The following NREP variants were observed in gnomAD, a reference collection of about 807,000 sequenced individuals.
NREP encodes neuronal regeneration-related protein.
In NREP, 5 loss-of-function variants were observed where a neutral mutation model predicts 8.6. That is an observed-to-expected ratio of 0.58 (90% confidence interval 0.30 to 1.22). The LOEUF is 1.22. Ranked by LOEUF, NREP falls within the 50% of genes most tolerant of loss-of-function variation. The probability of loss-of-function intolerance (pLI) is 0.07; values close to 1 mark genes in which losing one functional copy is unlikely to be tolerated. For missense variants in NREP, 86 were observed against 82.5 expected (o/e 1.04, Z -0.17); for synonymous variants, 27 against 28.0 (o/e 0.96, Z 0.11).
chr5:111,755,860 C>A (rs975332121), intron 1 of NREP, 30 bp from the exon 2 acceptor site: 1 of 1,611,564 alleles, frequency 6.2e-7, no homozygotes, highest in Non-Finnish European at 8.5e-7. Flanking sequence ...ACAGTAGACA[C>A]ATCGCCTCAC....
intron 2 of NREP, among the ~76,000 whole-genome samples, chr5:111,887,532 T>C (rs545241255): frequency 2.0e-5 from 3 of 152,318 alleles, no homozygotes; most frequent in Admixed American, 1.3e-4. Context: ...AGAGTGGGCC[T>C]GCTATGGGAC....
rs150259542 is a variant in NREP, at chr5:111,872,196, G to A, written c.135+103078C>T. On this transcript the variant is annotated intron_variant, in intron 2 of 3. Coordinates refer to the NREP transcript ENST00000395634. ...GGAGACCCAGAGAGTTGATGGTGTC[G>A]TTCCAGTCCAGAGGCCAGCATATCA... Among the ~76,000 whole-genome samples the A allele has an allele frequency of 3.3e-5, 5 of 152,208 alleles. No homozygotes were observed. In the East Asian group the frequency reaches 7.7e-4, roughly 24 times the overall value.
At chr5:111,757,880 G>A, upstream of NREP, 1 of 982,078 alleles carries the variant, frequency 1.0e-6, no homozygotes, top group Non-Finnish European at 1.2e-6. Flanking sequence ...CCAGGGTGCT[G>A]CACAGCCCGG....
intron 2 of NREP, among the ~76,000 whole-genome samples, chr5:111,753,470 T>C (rs531600150): frequency 6.6e-6 from 1 of 151,186 alleles, no homozygotes; most frequent in East Asian, 1.9e-4. Context: ...TTGTAAAACA[T>C]TATCATTTTA....
chr5:111,743,820 C>G (rs1443391078), intron 2 of NREP, among the ~76,000 whole-genome samples: 2 of 152,062 alleles, frequency 1.3e-5, no homozygotes, highest in Non-Finnish European at 2.9e-5. Flanking sequence ...CTTCAAATAA[C>G]TATATGAAGT....
intron 2 of NREP, among the ~76,000 whole-genome samples, chr5:111,775,900 A>G (rs1194109492): frequency 6.6e-6 from 1 of 152,200 alleles, no homozygotes; most frequent in East Asian, 1.9e-4. Flanking sequence ...ATATTAAAAG[A>G]TAGATCACAA....
intron 2 of NREP, among the ~76,000 whole-genome samples, chr5:111,856,913 A>G (rs1185771957): frequency 6.6e-6 from 1 of 151,922 alleles, no homozygotes; most frequent in Admixed American, 6.6e-5. Context: ...GTTGTCGTCT[A>G]CTCTGTGCTA....
At chr5:111,879,264 G>GT (rs1017296989) in intron 2 of NREP, among the ~76,000 whole-genome samples, 17 of 152,176 alleles carry the variant, frequency 1.1e-4, no homozygotes, top group African/African-American at 4.1e-4. Flanking sequence ...AACACATCTA[G>GT]TTTTTTGAAG....
intron 2 of NREP, among the ~76,000 whole-genome samples, chr5:111,878,357 C>T (rs10036670): frequency 0.07 from 10,619 of 152,170 alleles, 404 homozygotes; most frequent in African/African-American, 0.089. Flanking sequence ...GGAAGAAGCA[C>T]ATCTTACATG....
chr5:111,735,390 T>C, intron 3 of NREP, 40 bp downstream of exon 3: 4 of 1,334,258 alleles, frequency 3.0e-6, no homozygotes, highest in Non-Finnish European at 3.2e-6. Flanking sequence ...TGTTTCTATA[T>C]TGAAAATAGT....
At chr5:111,889,712 A>G (rs1754348235) in intron 2 of NREP, among the ~76,000 whole-genome samples, 1 of 152,196 alleles carries the variant, frequency 6.6e-6, no homozygotes, top group African/African-American at 2.4e-5. Context: ...TGTGAAGAGA[A>G]TCCACCAGCA....
upstream of NREP, chr5:111,757,659 G>A: frequency 3.1e-6 from 3 of 983,142 alleles, no homozygotes; most frequent in South Asian, 1.4e-4. Context: ...CCCGCTCGCC[G>A]CGCCGTCCCC....
intron 3 of NREP, chr5:111,731,842 G>A (rs1748615874): frequency 6.6e-6 from 1 of 152,410 alleles, no homozygotes. Context: ...ACACACTGCT[G>A]CAGCGCCAAC....
At chr5:111,830,904 T>C (rs1232503467) in intron 2 of NREP, among the ~76,000 whole-genome samples, 1 of 152,254 alleles carries the variant, frequency 6.6e-6, no homozygotes, top group Non-Finnish European at 1.5e-5. Context: ...GTACTATTAT[T>C]GTTACTTCTA....
intron 2 of NREP, among the ~76,000 whole-genome samples, chr5:111,932,962 C>G (rs569530315): frequency 1.3e-5 from 2 of 152,018 alleles, no homozygotes; most frequent in Non-Finnish European, 2.9e-5. Flanking sequence ...ATAAAGGAAA[C>G]GGTTCTGTCC....
At chr5:111,852,317 AAG>A (rs1352916670) in intron 2 of NREP, among the ~76,000 whole-genome samples, 3 of 152,060 alleles carry the variant, frequency 2.0e-5, no homozygotes, top group African/African-American at 7.2e-5. Context: ...CAGAGCCTCT[AAG>A]AGGGCCTCAG....
chr5:111,881,466 G>A (rs368439265), intron 2 of NREP, among the ~76,000 whole-genome samples: 2 of 152,302 alleles, frequency 1.3e-5, no homozygotes, highest in South Asian at 4.1e-4. Context: ...TGACAGCTTT[G>A]AAGAGAGCAG....
intron 2 of NREP, among the ~76,000 whole-genome samples, chr5:111,972,412 G>T (rs892587519): frequency 2.6e-5 from 4 of 152,188 alleles, no homozygotes; most frequent in Non-Finnish European, 5.9e-5. Flanking sequence ...CAGGATTGCA[G>T]TGGTTTTCAA....
At chr5:111,834,816 T>C in intron 2 of NREP, among the ~76,000 whole-genome samples, 1 of 152,144 alleles carries the variant, frequency 6.6e-6, no homozygotes, top group South Asian at 2.1e-4. Flanking sequence ...CAGTTCTTAT[T>C]TTCAGTGAAT....
Sources: gnomAD v4.1 joint callset for allele counts (sites outside exome capture counted in the v4.1 genomes callset) on GRCh38, gnomAD v4.1.1 for gene constraint, MANE v1.5 for transcripts, NCBI Gene and HGNC (gene_info 2026-07-23, HGNC 2026-07-21) for gene names.